Variants in SYT1 observed in about 807,000 individuals in gnomAD.
SYT1 encodes synaptotagmin-1.
SYT1 carries 8 observed loss-of-function variants against 44.8 expected under a neutral mutation model. The observed-to-expected ratio is 0.18, with a 90% CI of 0.10 to 0.32. The LOEUF is 0.32. Among genes scored for constraint, SYT1 ranks in the 10% least tolerant of loss-of-function variants. SYT1 has a pLI of 1.00. For missense variants in SYT1, 286 were observed against 509.3 expected (o/e 0.56, Z 4.22); for synonymous variants, 154 against 188.8 (o/e 0.82, Z 1.51).
intron 1 of SYT1, among the ~76,000 whole-genome samples, chr12:78,899,429 C>T (rs779818802): frequency 1.1e-4 from 17 of 151,594 alleles, no homozygotes; most frequent in African/African-American, 1.7e-4. Context: ...ATAATATTCT[C>T]GAAATATAAT....
intron 9 of SYT1, among the ~76,000 whole-genome samples, chr12:79,357,024 C>T (rs1231873584): frequency 6.6e-6 from 1 of 152,176 alleles, no homozygotes; most frequent in East Asian, 1.9e-4. Flanking sequence ...AGTAGGCCCA[C>T]ATTTTGCATA....
At chr12:79,429,053 A>C (rs1226243262) in intron 9 of SYT1, among the ~76,000 whole-genome samples, 1 of 152,158 alleles carries the variant, frequency 6.6e-6, no homozygotes, top group Non-Finnish European at 1.5e-5. Flanking sequence ...TTACCATAGG[A>C]TGACACCAAG....
At chr12:79,373,236 G>A (rs1405072572) in intron 9 of SYT1, among the ~76,000 whole-genome samples, 2 of 152,266 alleles carry the variant, frequency 1.3e-5, no homozygotes, top group East Asian at 3.9e-4. Flanking sequence ...AGGTTTGTCC[G>A]ATGAGATCAG....
chr12:79,354,383 C>T (rs1883030252), intron 9 of SYT1, among the ~76,000 whole-genome samples: 1 of 152,200 alleles, frequency 6.6e-6, no homozygotes, highest in Non-Finnish European at 1.5e-5. Context: ...CATAAATTGA[C>T]TGCAGTTGTC....
chr12:79,049,930 A>G (rs1442757054), intron 3 of SYT1, among the ~76,000 whole-genome samples: 1 of 152,022 alleles, frequency 6.6e-6, no homozygotes, highest in African/African-American at 2.4e-5. Flanking sequence ...TAAGAAATAT[A>G]AAAGATAAAA....
At chr12:79,187,533 A>T (rs1459252786) in intron 3 of SYT1, among the ~76,000 whole-genome samples, 1 of 152,088 alleles carries the variant, frequency 6.6e-6, no homozygotes, top group Non-Finnish European at 1.5e-5. Flanking sequence ...GTAATTTCCC[A>T]ATTGTAACAG....
chr12:79,313,019 C>T (rs1362847174), intron 8 of SYT1, among the ~76,000 whole-genome samples: 1 of 152,152 alleles, frequency 6.6e-6, no homozygotes, highest in Non-Finnish European at 1.5e-5. Context: ...GACTGAAAAG[C>T]TGAGGAAGAA....
rs1449855174 is a variant in SYT1 at position 79,449,132 on chromosome 12, A to C, written c.*8A>C. The C allele has an allele frequency of 5.6e-6, 9 of 1,596,966 alleles. No homozygotes were observed. Among genetic ancestry groups the C allele is most frequent in the Admixed American group, 1.8e-5 (1 of 56,624 alleles). On this transcript the variant is annotated 3_prime_UTR_variant, in exon 11 of 11. Transcript: ENST00000261205. ...CTGGCCGTCAAGAAGTAAAGGAAAG[A>C]AGAAGCCTTTCTGCATTTGCCCATA... is the stretch of plus-strand genomic sequence containing the variant.
chr12:79,062,740 A>G (rs1875482932), intron 3 of SYT1, among the ~76,000 whole-genome samples: 1 of 152,186 alleles, frequency 6.6e-6, no homozygotes, highest in Non-Finnish European at 1.5e-5. Context: ...TACAATTTAA[A>G]AGAATCACTT....
intron 4 of SYT1, among the ~76,000 whole-genome samples, chr12:79,252,686 G>T (rs893321557): frequency 6.6e-6 from 1 of 152,134 alleles, no homozygotes; most frequent in East Asian, 1.9e-4. Flanking sequence ...AAGTTCTACT[G>T]ATCCACCGTA....
At chr12:79,240,808 T>C (rs1317444719) in intron 4 of SYT1, among the ~76,000 whole-genome samples, 1 of 152,184 alleles carries the variant, frequency 6.6e-6, no homozygotes, top group Non-Finnish European at 1.5e-5. Context: ...AGTAATTATA[T>C]ATTGCAAGGT....
At chr12:79,257,376 G>T (rs184906936) in intron 4 of SYT1, among the ~76,000 whole-genome samples, 17 of 152,350 alleles carry the variant, frequency 1.1e-4, no homozygotes, top group Admixed American at 5.2e-4. Flanking sequence ...CATCTTGCCA[G>T]TGGTACTACA....
At chr12:78,927,355 C>T (rs1877360111) in intron 1 of SYT1, among the ~76,000 whole-genome samples, 2 of 152,040 alleles carry the variant, frequency 1.3e-5, no homozygotes, top group South Asian at 4.1e-4. Flanking sequence ...TTTTGAACAC[C>T]CAATCTTTGG....
intron 3 of SYT1, among the ~76,000 whole-genome samples, chr12:79,176,960 C>T (rs1871912660): frequency 6.6e-6 from 1 of 151,884 alleles, no homozygotes; most frequent in South Asian, 2.1e-4. Context: ...ATAATATTAT[C>T]CAATATAATC....
chr12:79,170,654 G>C (rs1324997086), intron 3 of SYT1, among the ~76,000 whole-genome samples: 1 of 151,980 alleles, frequency 6.6e-6, no homozygotes, highest in Non-Finnish European at 1.5e-5. Context: ...TAGATTGTCT[G>C]TTTACTCTGT....
intron 9 of SYT1, among the ~76,000 whole-genome samples, chr12:79,414,465 C>A (rs2136141100): frequency 6.6e-6 from 1 of 152,232 alleles, no homozygotes; most frequent in Middle Eastern, 3.4e-3. Context: ...AGGAGAATTG[C>A]AGCTACTGTC....
At chr12:79,044,298 C>T (rs1873829821) in intron 2 of SYT1, among the ~76,000 whole-genome samples, 1 of 152,092 alleles carries the variant, frequency 6.6e-6, no homozygotes, top group Admixed American at 6.5e-5. Context: ...TCACATAGTC[C>T]CATATTTCTT....
intron 4 of SYT1, among the ~76,000 whole-genome samples, chr12:79,269,387 G>C (rs1878299783): frequency 1.3e-5 from 2 of 151,752 alleles, no homozygotes; most frequent in African/African-American, 2.4e-5. Flanking sequence ...TTATTTTCTG[G>C]GAGTTAGTCT....
rs150795607 is a variant in SYT1 at position 78,965,861 on chromosome 12, G to A, written c.-216-11938G>A. On this transcript the variant is annotated intron_variant, in intron 1 of 10. Coordinates refer to ENST00000261205, the MANE Select transcript of SYT1 (RefSeq NM_005639.3). ...TGGGAGGCTGAGGTGGGTGGATCACGAGGTCAGGAGTTCAAGACCAGCCTG... is the reference window on the plus strand; with the variant it reads ...TGGGAGGCTGAGGTGGGTGGATCACAAGGTCAGGAGTTCAAGACCAGCCTG... 4.1e-4 allele frequency among the ~76,000 whole-genome samples: 62 copies of A among 152,062 alleles called. No homozygotes were observed. The East Asian group carries it at 0.01, about 26-fold the overall frequency.
Sources: allele counts gnomAD v4.1 joint callset (sites outside exome capture counted in the v4.1 genomes callset), GRCh38; gene constraint gnomAD v4.1.1; transcripts MANE v1.5; gene names NCBI Gene and HGNC (gene_info 2026-07-23, HGNC 2026-07-21).